TERB1: variants seen among roughly 807,000 people sequenced by gnomAD.
TERB1 encodes the protein telomere repeat binding bouquet formation protein 1.
TERB1 carries 63 observed loss-of-function variants against 92.3 expected under a neutral mutation model. The ratio of observed to expected loss-of-function variants is 0.68; its 90% confidence interval spans 0.56 to 0.84. TERB1 has a LOEUF of 0.84. Ranked by LOEUF, TERB1 falls within the 40% of genes least tolerant of loss-of-function variation. TERB1 has a pLI of 0.00. For synonymous variants in TERB1, 252 were observed against 283.9 expected, an observed-to-expected ratio of 0.89 and a Z score of 1.13; for missense variants, 709 against 843.7, an observed-to-expected ratio of 0.84 and a Z score of 1.98.
chr16:66,788,369 A>G, intron 5 of TERB1, 72 bp from the exon 6 acceptor site: 6 of 1,272,298 alleles, frequency 4.7e-6, no homozygotes, highest in Non-Finnish European at 6.3e-6. Flanking sequence ...TGAACAAAAT[A>G]AAAAATTGCC....
chr16:66,796,650 T>C (rs2018933328), intron 3 of TERB1, 118 bp downstream of exon 3: 4 of 743,260 alleles, frequency 5.4e-6, no homozygotes, highest in African/African-American at 1.8e-5. Context: ...AGAGTAGTGC[T>C]CAATAGTTAT....
intron 10 of TERB1, 103 bp downstream of exon 10, chr16:66,778,760 T>C: frequency 1.1e-6 from 1 of 943,932 alleles, no homozygotes; most frequent in Non-Finnish European, 1.5e-6. Context: ...TGTGAGAAAC[T>C]TAGTCTAAAC....
At chr16:66,758,676 G>A (rs2018176897) in intron 18 of TERB1, 97 bp downstream of exon 18, 2 of 694,422 alleles carry the variant, frequency 2.9e-6, no homozygotes, top group Non-Finnish European at 2.5e-6. Context: ...GGGAGGCGGA[G>A]GCTGCAGTGA....
At chr16:66,779,981 A>G (rs8052226) in intron 9 of TERB1, among the ~76,000 whole-genome samples, 77,004 of 152,024 alleles carry the variant, frequency 0.51, 20,385 homozygotes, top group African/African-American at 0.64. Flanking sequence ...GCCGGGCACC[A>G]TGGCTCATGC....
chr16:66,792,577 A>G (rs7196837), intron 3 of TERB1, among the ~76,000 whole-genome samples: 77,059 of 152,058 alleles, frequency 0.51, 20,407 homozygotes, highest in African/African-American at 0.64. Context: ...ATAACTCTTT[A>G]ATACATAAAA....
chr16:66,767,699 G>C (rs2018372602), intron 15 of TERB1, among the ~76,000 whole-genome samples, 189 bp from the exon 16 acceptor site: 1 of 151,916 alleles, frequency 6.6e-6, no homozygotes, highest in South Asian at 2.1e-4. Flanking sequence ...CAAAGGTGTG[G>C]CTTATGCTTT....
intron 16 of TERB1, among the ~76,000 whole-genome samples, chr16:66,766,382 G>A (rs1353091712): frequency 6.6e-6 from 1 of 152,106 alleles, no homozygotes. Context: ...GATGTTCTGA[G>A]CCGAATATAG....
At chr16:66,801,159 C>T in intron 1 of TERB1, 106 bp from the exon 2 acceptor site, 1 of 152,834 alleles carries the variant, frequency 6.5e-6, no homozygotes, top group Non-Finnish European at 1.5e-5. Context: ...CGGCCCGGCC[C>T]TGGCCCTGGG....
chr16:66,759,795 C>T (rs1189606828), intron 16 of TERB1, among the ~76,000 whole-genome samples: 1 of 91,558 alleles, frequency 1.1e-5, no homozygotes, highest in Non-Finnish European at 2.0e-5. Flanking sequence ...AAGACTCTGT[C>T]TCAAAAAAAA....
intron 3 of TERB1, among the ~76,000 whole-genome samples, chr16:66,794,221 T>G (rs1480647329): frequency 6.6e-6 from 1 of 151,998 alleles, no homozygotes; most frequent in Admixed American, 6.6e-5. Context: ...CACCTCAGCC[T>G]CCCAAGTAGC....
intron 9 of TERB1, among the ~76,000 whole-genome samples, chr16:66,779,523 G>A (rs1329847108): frequency 6.6e-6 from 1 of 151,994 alleles, no homozygotes; most frequent in Non-Finnish European, 1.5e-5. Flanking sequence ...ACTTGAACCT[G>A]GGAGGCAGAG....
intron 9 of TERB1, among the ~76,000 whole-genome samples, chr16:66,783,065 G>A (rs1254631805): frequency 1.3e-5 from 2 of 152,116 alleles, no homozygotes; most frequent in Non-Finnish European, 2.9e-5. Context: ...TGTTGCCCAG[G>A]CTGGTCTTGA....
At chr16:66,788,125 A>AT (rs1397384904) in intron 6 of TERB1, 44 bp downstream of exon 6, 1 of 1,339,376 alleles carries the variant, frequency 7.5e-7, no homozygotes, top group East Asian at 2.9e-5. Context: ...GGCTGTTCCA[A>AT]TTGATTAAAG....
At chr16:66,785,412 TCA>T (rs149020791) in intron 9 of TERB1, among the ~76,000 whole-genome samples, 2,388 of 152,292 alleles carry the variant, frequency 0.016, 56 homozygotes, top group South Asian at 0.095. Flanking sequence ...ATGCATTGAC[TCA>T]CAGATTTTAG....
chr16:66,773,465 C>T (rs536609154), intron 12 of TERB1, among the ~76,000 whole-genome samples: 10 of 152,228 alleles, frequency 6.6e-5, no homozygotes, highest in African/African-American at 2.4e-4. Flanking sequence ...GGACACTGCC[C>T]TCTGAGCTCA....
intron 9 of TERB1, 46 bp from the exon 10 acceptor site, chr16:66,779,061 G>C: frequency 7.5e-7 from 1 of 1,339,646 alleles, no homozygotes; most frequent in Non-Finnish European, 1.0e-6. Context: ...AAACAAGACA[G>C]CTGAATGGTT....
Position 66,788,202 on chromosome 16 carries a change from C to G in TERB1, c.367G>C (p.Val123Leu), listed in dbSNP as rs1254290454. Residue 123 changes from valine (V) to leucine (L), a missense_variant, in exon 6 of 19, where the codon GTT becomes CTT. By Grantham distance (32) the Val-to-Leu change is conservative. Coordinates refer to ENST00000433154, the MANE Select transcript of TERB1 (RefSeq NM_001136505.2). ...DSNINLKRMS[V>L]YVILVLVSNN... ...GAAACCAGAACCAAAATAACATAAA[C>G]AGACATTCTTTTCAAATTTATGTTT... The G allele has an allele frequency of 2.7e-6, 4 of 1,501,486 alleles. No individual in the cohort carries two copies. In the South Asian group the frequency reaches 3.9e-5, roughly 15 times the overall value. 93.0% of individuals were successfully genotyped at this position (1,501,486 alleles called of 1,614,324 possible).
In TERB1 at chr16:66,792,582, A is replaced by G. The variant is rs534805578; in HGVS notation, c.32-1563T>C. On this transcript the variant is annotated intron_variant, in intron 3 of 18. Transcript: ENST00000433154. The stretch of plus-strand genomic sequence containing the variant: ...AGTTTTCCAGATAACTCTTTAATAC[A>G]TAAAAATAGATTGTACAGCCAAGTG... Among the ~76,000 whole-genome samples the G allele has an allele frequency of 4.6e-5, 7 of 152,370 alleles. No individual in the cohort carries two copies. The South Asian group carries it at 6.2e-4, about 14-fold the overall frequency.
Position 66,775,224 on chromosome 16 carries a change from A to G in TERB1, c.1005T>C (p.Leu335=), listed in dbSNP as rs1462258530. Residue 335 remains leucine (L), a synonymous_variant, in exon 12 of 19, where the codon CTT becomes CTC. Coordinates refer to ENST00000433154, the MANE Select transcript of TERB1 (RefSeq NM_001136505.2). ...TGAGTGGAAGCCCATTGTTTTTAAA[A>G]AGGTCATACTGATTTTCCTCTGGAA... The part of the protein sequence containing the change: ...TEDCEENQYD[L]FKNNGLPLMI... The G allele has an allele frequency of 1.3e-6, 2 of 1,551,224 alleles. No individual in the cohort carries two copies. The highest frequency in any genetic ancestry group is 4.9e-5 in the East Asian group (2 of 40,904).
Sources: allele counts gnomAD v4.1 joint callset (sites outside exome capture counted in the v4.1 genomes callset), GRCh38; gene constraint gnomAD v4.1.1; transcripts MANE v1.5; gene names NCBI Gene and HGNC (gene_info 2026-07-23, HGNC 2026-07-21).